Variants in CA10 observed in about 807,000 individuals in gnomAD.
CA10 encodes the protein carbonic anhydrase-related protein 10.
A neutral mutation model predicts 44.2 loss-of-function variants in CA10; 14 were observed. The observed-to-expected ratio is 0.32, with a 90% CI of 0.21 to 0.50. CA10 has a LOEUF of 0.50. Among genes scored for constraint, CA10 ranks in the 20% least tolerant of loss-of-function variants. The pLI, the probability that CA10 is intolerant of heterozygous loss-of-function variation, is 0.99. For missense variants in CA10, 350 were observed against 409.7 expected (o/e 0.85, Z 1.26); for synonymous variants, 159 against 141.6 (o/e 1.12, Z -0.87).
At chr17:52,106,514 A>G (rs1988665846) in intron 1 of CA10, among the ~76,000 whole-genome samples, 1 of 152,210 alleles carries the variant, frequency 6.6e-6, no homozygotes, top group Admixed American at 6.5e-5. Flanking sequence ...TGAAAATGCT[A>G]TAAGTGCTAC....
chr17:52,012,661 A>C (rs1985836438), intron 2 of CA10, among the ~76,000 whole-genome samples: 2 of 152,098 alleles, frequency 1.3e-5, no homozygotes, highest in Non-Finnish European at 2.9e-5. Context: ...TCATACACAC[A>C]GAAGATTCTG....
At position 51,894,383 on chromosome 17, in the gene CA10, T is replaced by TA. The variant is rs113397081; in HGVS notation, c.279+36606dup. Among the ~76,000 whole-genome samples the TA allele has an allele frequency of 5.3e-3, 811 of 152,152 alleles. 10 individuals are homozygous for TA. Among genetic ancestry groups the TA allele is most frequent in the African/African-American group, 0.019 (782 of 41,516 alleles). Reference sequence around the variant, plus strand: ...AGGTTTCCAGAGTGGGCACTAGCATTAAAAAAATTGCAGCACTGAACTCCC... The same window carrying TA: ...AGGTTTCCAGAGTGGGCACTAGCATTAAAAAAAATTGCAGCACTGAACTCCC... On this transcript the variant is annotated intron_variant, in intron 3 of 8. Transcript: ENST00000451037.
chr17:51,987,074 A>C (rs1984866097), intron 2 of CA10, among the ~76,000 whole-genome samples: 1 of 152,112 alleles, frequency 6.6e-6, no homozygotes. Flanking sequence ...ATAGCAGCAC[A>C]ATTAGCAACT....
chr17:51,876,527 T>C (rs36005767), intron 3 of CA10, among the ~76,000 whole-genome samples: 1 of 152,016 alleles, frequency 6.6e-6, no homozygotes, highest in African/African-American at 2.4e-5. Context: ...GAATTTAAAG[T>C]GGAATAACCC....
intron 2 of CA10, among the ~76,000 whole-genome samples, chr17:52,064,284 T>C (rs1239274207): frequency 2.0e-5 from 3 of 152,166 alleles, no homozygotes; most frequent in Non-Finnish European, 4.4e-5. Context: ...TGGGACTCAG[T>C]AGAGGATCCA....
intron 1 of CA10, among the ~76,000 whole-genome samples, chr17:52,137,688 C>T (rs903154769): frequency 5.9e-5 from 9 of 152,240 alleles, no homozygotes; most frequent in South Asian, 2.1e-4. Context: ...GCACTCAGCT[C>T]CAGTAAATAT....
At position 51,963,847 on chromosome 17, in the gene CA10, A is replaced by T. The variant is rs560451910; in HGVS notation, c.137-32715T>A. 5.3e-5 allele frequency among the ~76,000 whole-genome samples: 8 copies of T among 152,314 alleles called. No individual in the cohort carries two copies. The South Asian group carries it at 1.7e-3, about 32-fold the overall frequency. On this transcript the variant is annotated intron_variant, in intron 2 of 8. Transcript: ENST00000451037. Reference sequence around the variant, plus strand: ...GCATATCTCACAGGCCCTATAAAGCAACCAAACAATAGAAACTATAAAGCA... The same window carrying T: ...GCATATCTCACAGGCCCTATAAAGCTACCAAACAATAGAAACTATAAAGCA...
chr17:52,046,477 G>T (rs78881493), intron 2 of CA10, among the ~76,000 whole-genome samples: 1 of 151,712 alleles, frequency 6.6e-6, no homozygotes, highest in East Asian at 2.0e-4. Flanking sequence ...ATATGAAAAT[G>T]ACAAATTCCT....
At chr17:52,012,734 T>G (rs1488626293) in intron 2 of CA10, among the ~76,000 whole-genome samples, 1 of 151,988 alleles carries the variant, frequency 6.6e-6, no homozygotes, top group East Asian at 1.9e-4. Context: ...TTGTCTACAA[T>G]TTTTCAATAT....
intron 4 of CA10, among the ~76,000 whole-genome samples, chr17:51,723,818 C>CAT (rs2143538488): frequency 6.6e-6 from 1 of 152,292 alleles, no homozygotes; most frequent in East Asian, 1.9e-4. Context: ...CCCTCTTTTC[C>CAT]ATCTGTCCTC....
At chr17:52,126,368 T>C (rs1989119838) in intron 1 of CA10, among the ~76,000 whole-genome samples, 1 of 152,224 alleles carries the variant, frequency 6.6e-6, no homozygotes, top group Admixed American at 6.5e-5. Flanking sequence ...CTATTTGCCC[T>C]TTCCAAGAGC....
intron 2 of CA10, among the ~76,000 whole-genome samples, chr17:51,976,606 C>T (rs574447881): frequency 1.3e-5 from 2 of 151,642 alleles, no homozygotes; most frequent in East Asian, 3.9e-4. Flanking sequence ...TAAAGCAGTT[C>T]GTCTGGGGGA....
At position 52,068,151 on chromosome 17, in the gene CA10, AC is replaced by A. The variant is rs200437688; in HGVS notation, c.136+4167del. Among the ~76,000 whole-genome samples the A allele has an allele frequency of 7.2e-3, 1,097 of 152,302 alleles. 6 individuals are homozygous for A. The highest frequency in any genetic ancestry group is 0.012 in the Non-Finnish European group (802 of 68,020). On this transcript the variant is annotated intron_variant, in intron 2 of 8. Coordinates refer to ENST00000451037, the MANE Select transcript of CA10 (RefSeq NM_020178.5). ...TTGAATTATAATCCCCATAATATCC[AC>A]ATTTCAAAGGAGAGACCAGGTGAAG...
intron 2 of CA10, among the ~76,000 whole-genome samples, chr17:52,068,581 T>C (rs1034590589): frequency 1.3e-5 from 2 of 152,224 alleles, no homozygotes; most frequent in Non-Finnish European, 2.9e-5. Flanking sequence ...TGTAGTGAGA[T>C]GCCTGGCCCT....
intron 3 of CA10, among the ~76,000 whole-genome samples, chr17:51,767,267 A>T (rs1008283725): frequency 2.0e-5 from 3 of 151,386 alleles, no homozygotes; most frequent in African/African-American, 7.3e-5. Context: ...TACTTCATTC[A>T]TCATTAGGTG....
At chr17:51,989,148 T>C (rs534411710) in intron 2 of CA10, among the ~76,000 whole-genome samples, 1 of 148,580 alleles carries the variant, frequency 6.7e-6, no homozygotes, top group African/African-American at 2.5e-5. Flanking sequence ...TCAGAATCTC[T>C]GTTTCTTTTT....
intron 2 of CA10, among the ~76,000 whole-genome samples, chr17:51,975,630 G>T (rs1984435927): frequency 6.6e-6 from 1 of 152,204 alleles, no homozygotes; most frequent in Admixed American, 6.5e-5. Context: ...GATGAGGCGA[G>T]ATCGCCTCAC....
chr17:52,138,327 A>G (rs1989403687), intron 1 of CA10, among the ~76,000 whole-genome samples: 3 of 152,116 alleles, frequency 2.0e-5, no homozygotes, highest in African/African-American at 7.2e-5. Context: ...TAATCTCCCA[A>G]TCTCAAGATC....
chr17:52,118,845 T>G (rs1988953213), intron 1 of CA10, among the ~76,000 whole-genome samples: 1 of 152,188 alleles, frequency 6.6e-6, no homozygotes. Flanking sequence ...GCAATTGTTG[T>G]CTTGTTTTGA....
Sources: allele counts gnomAD v4.1 joint callset (sites outside exome capture counted in the v4.1 genomes callset), GRCh38; gene constraint gnomAD v4.1.1; transcripts MANE v1.5; gene names NCBI Gene and HGNC (gene_info 2026-07-23, HGNC 2026-07-21).